Variants in FBXO36 observed in about 807,000 individuals in gnomAD.
FBXO36 encodes F-box only protein 36.
FBXO36 carries 18 observed loss-of-function variants against 17.0 expected under a neutral mutation model. The observed-to-expected ratio is 1.06, with a 90% CI of 0.73 to 1.57. FBXO36 has a LOEUF of 1.57. FBXO36 is among the 40% of genes most tolerant of loss of function. The probability of loss-of-function intolerance (pLI) is 0.00; values close to 1 mark genes in which losing one functional copy is unlikely to be tolerated. For missense variants in FBXO36, 229 were observed against 221.9 expected, an observed-to-expected ratio of 1.03 and a Z score of -0.20; for synonymous variants, 83 against 85.3, an observed-to-expected ratio of 0.97 and a Z score of 0.15.
intron 1 of FBXO36, among the ~76,000 whole-genome samples, chr2:229,951,708 A>G (rs956462411): frequency 6.6e-6 from 1 of 152,234 alleles, no homozygotes; most frequent in Non-Finnish European, 1.5e-5. Context: ...AAGTGATTCC[A>G]TTTTAGTTGG....
intron 1 of FBXO36, among the ~76,000 whole-genome samples, chr2:229,944,665 T>C (rs981614994): frequency 2.0e-5 from 3 of 148,572 alleles, no homozygotes; most frequent in Non-Finnish European, 3.0e-5. Flanking sequence ...CCATCTTGGC[T>C]CACTGCAAGC....
chr2:229,939,126 T>C, intron 1 of FBXO36: 1 of 458,332 alleles, frequency 2.2e-6, no homozygotes, highest in Non-Finnish European at 2.8e-6. Flanking sequence ...CCATCTTGGC[T>C]CACCGCAACC....
At chr2:230,005,486 G>A (rs2077382344) in intron 3 of FBXO36, among the ~76,000 whole-genome samples, 1 of 152,080 alleles carries the variant, frequency 6.6e-6, no homozygotes, top group Non-Finnish European at 1.5e-5. Context: ...TGCATTGCAT[G>A]TTTATCTGTA....
At chr2:229,932,437 T>C (rs2076943448) in intron 1 of FBXO36, among the ~76,000 whole-genome samples, 1 of 152,038 alleles carries the variant, frequency 6.6e-6, no homozygotes, top group Non-Finnish European at 1.5e-5. Context: ...GGAGAATCAC[T>C]TGAACCCGGG....
chr2:229,932,141 G>A (rs796568930), intron 1 of FBXO36, among the ~76,000 whole-genome samples: 5 of 152,178 alleles, frequency 3.3e-5, no homozygotes, highest in African/African-American at 1.2e-4. Context: ...CAGCACTTCA[G>A]GAGGACGAGG....
At chr2:230,000,831 G>A (rs186239651) in intron 3 of FBXO36, among the ~76,000 whole-genome samples, 27 of 146,988 alleles carry the variant, frequency 1.8e-4, no homozygotes, top group Admixed American at 1.6e-3. Flanking sequence ...TATTCTCCCC[G>A]CATAACATTA....
intron 1 of FBXO36, among the ~76,000 whole-genome samples, chr2:229,961,223 C>T (rs924676929): frequency 6.6e-6 from 1 of 151,936 alleles, no homozygotes; most frequent in African/African-American, 2.4e-5. Flanking sequence ...CCATATATAC[C>T]TGAAGATACT....
At chr2:229,934,646 C>G (rs1211321575) in intron 1 of FBXO36, among the ~76,000 whole-genome samples, 3 of 152,082 alleles carry the variant, frequency 2.0e-5, no homozygotes, top group East Asian at 3.9e-4. Context: ...ATGACTGTTT[C>G]ATTTTCCTTA....
intron 1 of FBXO36, among the ~76,000 whole-genome samples, chr2:229,975,999 C>G (rs1335920902): frequency 6.6e-6 from 1 of 152,100 alleles, no homozygotes; most frequent in Non-Finnish European, 1.5e-5. Context: ...TGAGCCACTG[C>G]ACCCGGCCGA....
At position 229,929,434 on chromosome 2, in the gene FBXO36, C is replaced by T. The variant is rs145289502; in HGVS notation, c.96+6825C>T. Reference sequence around the variant, plus strand: ...TAGAAAAATTAGCCAGGCGTGGGAGCGGGCGCCTATAGTCCCAGCTACTGG... The same window carrying T: ...TAGAAAAATTAGCCAGGCGTGGGAGTGGGCGCCTATAGTCCCAGCTACTGG... On this transcript the variant is annotated intron_variant, in intron 1 of 3. Transcript: ENST00000283946. 5.9e-3 allele frequency among the ~76,000 whole-genome samples: 896 copies of T among 152,030 alleles called. 9 individuals are homozygous for T. Among genetic ancestry groups the T allele is most frequent in the African/African-American group, 0.02 (825 of 41,492 alleles).
At chr2:229,925,376 C>T (rs2076907135) in intron 1 of FBXO36, among the ~76,000 whole-genome samples, 1 of 152,116 alleles carries the variant, frequency 6.6e-6, no homozygotes. Context: ...ATTTTCTAAC[C>T]ACAAGACAAT....
chr2:229,980,590 C>A (rs1340923572), intron 2 of FBXO36, among the ~76,000 whole-genome samples: 2 of 151,774 alleles, frequency 1.3e-5, no homozygotes, highest in African/African-American at 4.8e-5. Flanking sequence ...CCAAGCCCTG[C>A]CCTTGATAAG....
At chr2:229,967,117 G>A (rs890795655) in intron 1 of FBXO36, among the ~76,000 whole-genome samples, 140 of 151,712 alleles carry the variant, frequency 9.2e-4, no homozygotes, top group African/African-American at 3.3e-3. Context: ...GGATTCCTAG[G>A]TATTTTATTC....
Position 230,012,827 on chromosome 2 carries a change from T to C in FBXO36, c.*1943T>C, listed in dbSNP as rs2077422554. On this transcript the variant is annotated 3_prime_UTR_variant, in exon 4 of 4. Transcript: ENST00000283946. ...ATGATTAAAGCTTCATGTGTAGTAT[T>C]TTATCAACAAACAGATTCTGAAAGC... 1 of 151,750 alleles carries C rather than the reference T, an allele frequency of 6.6e-6. No homozygotes were observed. Among genetic ancestry groups the C allele is most frequent in the African/African-American group, 2.4e-5 (1 of 41,416 alleles). The allele number at this position is 151,750 out of a possible 1,614,324, so 9.4% of individuals were successfully genotyped here.
At chr2:230,004,907 G>A (rs982426131) in intron 3 of FBXO36, among the ~76,000 whole-genome samples, 2 of 152,118 alleles carry the variant, frequency 1.3e-5, no homozygotes, top group African/African-American at 4.8e-5. Context: ...TTGGGAGGCT[G>A]AGGCAGGAGA....
chr2:229,960,584 G>A (rs2077115638), intron 1 of FBXO36, among the ~76,000 whole-genome samples: 1 of 152,130 alleles, frequency 6.6e-6, no homozygotes, highest in Non-Finnish European at 1.5e-5. Context: ...TCGAACACCT[G>A]AGCTCAAGCA....
chr2:229,939,308 T>G (rs2076984829), intron 1 of FBXO36: 1 of 973,120 alleles, frequency 1.0e-6, no homozygotes, highest in Non-Finnish European at 1.2e-6. Flanking sequence ...CTTGCCCTAT[T>G]TTACATTTTT....
chr2:229,942,323 C>T (rs1399539298), intron 1 of FBXO36, among the ~76,000 whole-genome samples: 2 of 152,224 alleles, frequency 1.3e-5, no homozygotes, highest in Non-Finnish European at 2.9e-5. Flanking sequence ...GTACCACCCT[C>T]TGTCCTGTCT....
chr2:229,987,923 T>C (rs2077277438), intron 2 of FBXO36, among the ~76,000 whole-genome samples: 1 of 152,142 alleles, frequency 6.6e-6, no homozygotes, highest in Non-Finnish European at 1.5e-5. Context: ...CATGAGCCAC[T>C]GCACCTTGCC....
Sources: allele counts gnomAD v4.1 joint callset (sites outside exome capture counted in the v4.1 genomes callset), GRCh38; gene constraint gnomAD v4.1.1; transcripts MANE v1.5; gene names NCBI Gene and HGNC (gene_info 2026-07-23, HGNC 2026-07-21).